The following NTN1 variants were observed in gnomAD, a reference collection of about 807,000 sequenced individuals.
The protein encoded by NTN1 is netrin 1, also known as netrin-1.
Under a neutral mutation model 54.2 loss-of-function variants are expected in NTN1, and 11 were observed. The observed-to-expected ratio is 0.20, with a 90% CI of 0.13 to 0.34. The LOEUF is 0.34. Among genes scored for constraint, NTN1 ranks in the 10% least tolerant of loss-of-function variants. The pLI, the probability that NTN1 is intolerant of heterozygous loss-of-function variation, is 1.00. For synonymous variants in NTN1, 371 were observed against 382.0 expected (o/e 0.97, Z 0.33); for missense variants, 740 against 893.1 (o/e 0.83, Z 2.18).
At chr17:9,146,165 A>C (rs1341597517) in intron 2 of NTN1, among the ~76,000 whole-genome samples, 1 of 152,160 alleles carries the variant, frequency 6.6e-6, no homozygotes, top group Non-Finnish European at 1.5e-5. Context: ...GGACAGAGAC[A>C]GGAGGCAAAC....
chr17:9,163,071 G>T (rs1355607688), intron 3 of NTN1, 70 bp downstream of exon 3: 2 of 1,448,370 alleles, frequency 1.4e-6, no homozygotes, highest in Middle Eastern at 2.4e-4. Flanking sequence ...CTCCCTCCTC[G>T]CTTCCTTTTC....
intron 2 of NTN1, among the ~76,000 whole-genome samples, chr17:9,090,871 G>A (rs1008578154): frequency 6.6e-6 from 1 of 152,172 alleles, no homozygotes; most frequent in Admixed American, 6.5e-5. Context: ...GCCTGGAGCT[G>A]GGTGGGCAAG....
At chr17:9,061,059 A>G (rs892980910) in intron 2 of NTN1, among the ~76,000 whole-genome samples, 1 of 152,046 alleles carries the variant, frequency 6.6e-6, no homozygotes, top group African/African-American at 2.4e-5. Context: ...TTACTCAACC[A>G]CAGTGACCTT....
chr17:9,084,496 GAC>G (rs2092083680), intron 2 of NTN1, among the ~76,000 whole-genome samples: 2 of 152,276 alleles, frequency 1.3e-5, no homozygotes, highest in African/African-American at 4.8e-5. Flanking sequence ...AAGTGTGGGT[GAC>G]TCGTTGCAGA....
rs115414314 is a variant in NTN1, at chr17:9,106,971, C to T, written c.1019-55842C>T. 4.2e-3 allele frequency among the ~76,000 whole-genome samples: 635 copies of T among 152,224 alleles called. 5 individuals carry two copies. The highest frequency in any genetic ancestry group is 0.015 in the African/African-American group (606 of 41,528). ...TTTGTCACACCAACCACATACTGAT[C>T]GCATTTAAAGCTGAGGAAGCTGAGC... On this transcript the variant is annotated intron_variant, in intron 2 of 6. Coordinates refer to ENST00000173229, the MANE Select transcript of NTN1 (RefSeq NM_004822.3).
intron 2 of NTN1, among the ~76,000 whole-genome samples, chr17:9,103,294 A>G (rs2092156163): frequency 6.6e-6 from 1 of 152,158 alleles, no homozygotes; most frequent in Non-Finnish European, 1.5e-5. Flanking sequence ...TGAATGAATG[A>G]ACTAAATGTG....
intron 2 of NTN1, among the ~76,000 whole-genome samples, chr17:9,092,908 A>G (rs35374431): frequency 0.079 from 12,034 of 152,148 alleles, 626 homozygotes; most frequent in Non-Finnish European, 0.12. Flanking sequence ...ACGGGTGCCC[A>G]CCACCACGCC....
intron 5 of NTN1, among the ~76,000 whole-genome samples, chr17:9,192,152 G>A (rs1328568446): frequency 6.6e-6 from 1 of 152,180 alleles, no homozygotes; most frequent in Non-Finnish European, 1.5e-5. Context: ...AGGTATCCAT[G>A]ACCCCATCAG....
intron 3 of NTN1, among the ~76,000 whole-genome samples, chr17:9,170,796 A>T (rs2092385249): frequency 6.6e-6 from 1 of 152,066 alleles, no homozygotes; most frequent in South Asian, 2.1e-4. Flanking sequence ...GCACAGACAC[A>T]GGACCCAGGT....
chr17:9,191,581 T>C (rs1249289134), intron 5 of NTN1, among the ~76,000 whole-genome samples: 1 of 152,098 alleles, frequency 6.6e-6, no homozygotes, highest in Admixed American at 6.6e-5. Flanking sequence ...TCCTCAATAA[T>C]AAAGAACTTT....
At chr17:9,064,047 G>T (rs1044427990) in intron 2 of NTN1, among the ~76,000 whole-genome samples, 1 of 152,102 alleles carries the variant, frequency 6.6e-6, no homozygotes, top group East Asian at 1.9e-4. Context: ...CTTCTTCAAG[G>T]TCTGGTGGGT....
rs1332811241 is a variant in NTN1 at position 9,240,093 on chromosome 17, C to CG, written c.*129dup. On this transcript the variant is annotated 3_prime_UTR_variant, in exon 7 of 7. Transcript: ENST00000173229. ...TTCCCAGGTGGGGGGAGGGAGGGGG[C>CG]GGGGCCGCACGGCGCGGGGGGCGGG... is the stretch of plus-strand genomic sequence containing the variant. The CG allele has an allele frequency of 2.2e-3, 9 of 4,142 alleles. No individual in the cohort carries two copies. Among genetic ancestry groups the CG allele is most frequent in the African/African-American group, 7.3e-3 (6 of 820 alleles). 0.3% of individuals were successfully genotyped at this position (4,142 alleles called of 1,614,324 possible).
chr17:9,062,878 T>TA (rs201844467), intron 2 of NTN1, among the ~76,000 whole-genome samples: 7,917 of 151,222 alleles, frequency 0.052, 707 homozygotes, highest in African/African-American at 0.18. Context: ...CGCCCTTAAG[T>TA]AAAAAAAAAT....
At chr17:9,117,178 A>G (rs2092216043) in intron 2 of NTN1, among the ~76,000 whole-genome samples, 1 of 152,208 alleles carries the variant, frequency 6.6e-6, no homozygotes. Context: ...GCGTGAATAG[A>G]GAGAAAGCCG....
At chr17:9,188,595 A>G (rs973488573) in intron 5 of NTN1, among the ~76,000 whole-genome samples, 1 of 151,934 alleles carries the variant, frequency 6.6e-6, no homozygotes, top group Non-Finnish European at 1.5e-5. Context: ...CATAGGCAGC[A>G]ATGGGGGACA....
chr17:9,045,896 A>G (rs1037180917), intron 2 of NTN1, among the ~76,000 whole-genome samples: 4 of 152,240 alleles, frequency 2.6e-5, no homozygotes, highest in African/African-American at 9.6e-5. Context: ...ACTTAAAAAA[A>G]GTAAGGTAAT....
intron 2 of NTN1, among the ~76,000 whole-genome samples, chr17:9,147,259 C>G (rs1450455091): frequency 6.6e-6 from 1 of 152,188 alleles, no homozygotes; most frequent in Non-Finnish European, 1.5e-5. Context: ...TTAACAAGGC[C>G]ATTTGGGAGG....
intron 2 of NTN1, among the ~76,000 whole-genome samples, chr17:9,128,144 A>AAATT (rs1555570164): frequency 3.4e-5 from 5 of 148,832 alleles, no homozygotes; most frequent in Non-Finnish European, 7.4e-5. Flanking sequence ...ATAAATAAAT[A>AAATT]AATAATAATA....
At chr17:9,019,906 T>A (rs1452578237), upstream of NTN1, among the ~76,000 whole-genome samples, 3 of 152,216 alleles carry the variant, frequency 2.0e-5, no homozygotes, top group Admixed American at 2.0e-4. Context: ...AGGTAAGGCA[T>A]AAATAAACAG....
Sources: allele counts gnomAD v4.1 joint callset (sites outside exome capture counted in the v4.1 genomes callset), GRCh38; gene constraint gnomAD v4.1.1; transcripts MANE v1.5; gene names NCBI Gene and HGNC (gene_info 2026-07-23, HGNC 2026-07-21).